The following PCDHGA5 variants were observed in gnomAD, a reference collection of about 807,000 sequenced individuals.
PCDHGA5 encodes protocadherin gamma-A5.
A neutral mutation model predicts 56.7 loss-of-function variants in PCDHGA5; 36 were observed. The observed-to-expected ratio is 0.64, with a 90% CI of 0.49 to 0.84. PCDHGA5 has a LOEUF of 0.84. Ranked by LOEUF, PCDHGA5 falls within the 40% of genes least tolerant of loss-of-function variation. The pLI is 0.00. For missense variants in PCDHGA5, 1,305 were observed against 1,201.5 expected (o/e 1.09, Z -1.27); for synonymous variants, 563 against 520.2 (o/e 1.08, Z -1.12).
intron 1 of PCDHGA5, chr5:141,374,799 C>T (rs1177554784): frequency 3.1e-6 from 5 of 1,613,978 alleles, no homozygotes; most frequent in African/African-American, 2.7e-5. Flanking sequence ...AATGACAACA[C>T]TCCAATGTTT....
intron 3 of PCDHGA5, among the ~76,000 whole-genome samples, chr5:141,509,338 C>T (rs2099876319): frequency 6.6e-6 from 1 of 152,188 alleles, no homozygotes; most frequent in Admixed American, 6.5e-5. Flanking sequence ...CCAGCTGGGC[C>T]TGGGCTGGCC....
chr5:141,388,378 A>G, intron 1 of PCDHGA5: 1 of 1,614,028 alleles, frequency 6.2e-7, no homozygotes, highest in Non-Finnish European at 8.5e-7. Context: ...ATTGGTAGCA[A>G]CACACTGCAG....
intron 1 of PCDHGA5, among the ~76,000 whole-genome samples, chr5:141,458,526 A>T (rs921943954): frequency 1.7e-4 from 26 of 151,492 alleles, no homozygotes; most frequent in African/African-American, 5.6e-4. Flanking sequence ...TTTTTTTTTA[A>T]CTTATCAACT....
chr5:141,366,553 G>A lies in PCDHGA5; in HGVS notation c.2223G>A (p.Val741=), dbSNP rs1209299928. 1 of 1,614,252 alleles carries A rather than the reference G, an allele frequency of 6.2e-7. No individual in the cohort carries two copies. Among genetic ancestry groups the A allele is most frequent in the Non-Finnish European group, 8.5e-7 (1 of 1,180,044 alleles). Residue 741 remains valine, a synonymous_variant, in exon 1 of 4, where the codon GTG becomes GTA. Transcript: ENST00000518069. ...RLAGVPASHF[V]GVDGVRAFLQ... is the part of the protein sequence containing the mutation. ...CGGGTGTGCCCGCCTCGCACTTTGT[G>A]GGCGTGGATGGGGTTCGGGCTTTCC...
At chr5:141,433,320 T>A in intron 1 of PCDHGA5, 1 of 792,046 alleles carries the variant, frequency 1.3e-6, no homozygotes, top group Non-Finnish European at 2.0e-6. Flanking sequence ...TTGCCTCCGG[T>A]GTAACAGGGA....
At position 141,486,028 on chromosome 5, in the gene PCDHGA5, C is replaced by T; in HGVS notation, c.2422-8779C>T. On this transcript the variant is annotated intron_variant, in intron 1 of 3. Transcript: ENST00000518069. This position sits in a 1 kb window ranked among gnomAD's most constrained non-coding sequence, Gnocchi z 5.0. ...TCACCTTTTATTTCAGTGGTCATAC[C>T]CCTGATCGTGTAAGAAACCTCTTTA... The T allele has an allele frequency of 6.2e-7, 1 of 1,614,134 alleles. No individual in the cohort carries two copies. Among genetic ancestry groups the T allele is most frequent in the Non-Finnish European group, 8.5e-7 (1 of 1,180,020 alleles).
intron 1 of PCDHGA5, chr5:141,410,296 A>G (rs1424650333): frequency 6.2e-7 from 1 of 1,613,774 alleles, no homozygotes; most frequent in Admixed American, 1.7e-5. Flanking sequence ...CCTTGGCCTT[A>G]ATCTCAGTGC....
intron 1 of PCDHGA5, chr5:141,428,284 G>A (rs762469333): frequency 4.2e-5 from 31 of 734,822 alleles, no homozygotes. Flanking sequence ...TGATTCCCAA[G>A]CAAAGCTGCA....
chr5:141,413,371 C>T lies in PCDHGA5; in HGVS notation c.2421+46620C>T, dbSNP rs752898022. 3.7e-6 allele frequency: 6 copies of T among 1,613,966 alleles called. No individual in the cohort carries two copies. In the Admixed American group the frequency reaches 8.3e-5, roughly 22 times the overall value. On this transcript the variant is annotated intron_variant, in intron 1 of 3. Coordinates refer to ENST00000518069, the MANE Select transcript of PCDHGA5 (RefSeq NM_018918.3). ...TCTGGCGCCCCGGGAGCTGGCGGAG[C>T]GCGGAGTCCGCATAGTCTCCAGAGG...
rs770685748 is a variant in PCDHGA5 at position 141,486,601 on chromosome 5, C to T, written c.2422-8206C>T. 9 of 1,613,558 alleles carry T rather than the reference C, an allele frequency of 5.6e-6. No homozygotes were observed. The highest frequency in any genetic ancestry group is 7.6e-6 in the Non-Finnish European group (9 of 1,180,024). On this transcript the variant is annotated intron_variant, in intron 1 of 3. Transcript: ENST00000518069. This position sits in a 1 kb window ranked among gnomAD's most constrained non-coding sequence, Gnocchi z 5.0. ...ATCGCCCAGGGGACCTGCTTTGCTC[C>T]CTTGCAGCCTCTGACCCAGACTCTG...
Position 141,410,082 on chromosome 5 carries a change from G to A in PCDHGA5, c.2421+43331G>A, listed in dbSNP as rs780485949. 1.6e-5 allele frequency: 25 copies of A among 1,612,386 alleles called. No individual in the cohort carries two copies. The Admixed American group carries it at 3.8e-4, about 25-fold the overall frequency. On this transcript the variant is annotated intron_variant, in intron 1 of 3. Transcript: ENST00000518069. ...CTGGGGCTGCGCACTGGGGAGGTGC[G>A]CACGGCTCGAGCCTTAGGCGACAGG... is the stretch of plus-strand genomic sequence containing the variant.
intron 1 of PCDHGA5, chr5:141,427,741 C>T (rs748636652): frequency 8.1e-7 from 1 of 1,240,376 alleles, no homozygotes; most frequent in Non-Finnish European, 1.2e-6. Context: ...GGCCAAGTCT[C>T]CTACTCCATC....
At chr5:141,434,763 C>T (rs2097714876) in intron 1 of PCDHGA5, among the ~76,000 whole-genome samples, 1 of 151,296 alleles carries the variant, frequency 6.6e-6, no homozygotes, top group South Asian at 2.1e-4. Flanking sequence ...TTCCCCACTT[C>T]ACACTTCTAA....
chr5:141,509,435 T>C (rs547082417), intron 3 of PCDHGA5, among the ~76,000 whole-genome samples: 1 of 152,214 alleles, frequency 6.6e-6, no homozygotes, highest in South Asian at 2.1e-4. Context: ...AAACTCTTGT[T>C]TCCTCCTCTC....
At position 141,418,475 on chromosome 5, in the gene PCDHGA5, A is replaced by G; in HGVS notation, c.2421+51724A>G. On this transcript the variant is annotated intron_variant, in intron 1 of 3. Transcript: ENST00000518069. The stretch of plus-strand genomic sequence containing the variant: ...GAAGACTCTGGACCGAGAAACGCAG[A>G]GCGCTCACCACTTGGTACTGACCGC... 3 of 1,614,000 alleles carry G rather than the reference A, an allele frequency of 1.9e-6. No individual in the cohort carries two copies. Among genetic ancestry groups the G allele is most frequent in the Non-Finnish European group, 2.5e-6 (3 of 1,179,892 alleles).
intron 1 of PCDHGA5, among the ~76,000 whole-genome samples, chr5:141,481,994 A>AG (rs2099550091): frequency 1.3e-5 from 2 of 151,258 alleles, no homozygotes; most frequent in African/African-American, 4.9e-5. Context: ...TTGAAGCAGG[A>AG]GAATCGCTTT....
intron 2 of PCDHGA5, among the ~76,000 whole-genome samples, chr5:141,500,329 C>G (rs1384834356): frequency 6.6e-6 from 1 of 151,986 alleles, no homozygotes; most frequent in Non-Finnish European, 1.5e-5. Flanking sequence ...CTGCCTCAGC[C>G]TCCAGAATAG....
chr5:141,370,114 A>G (rs768527026), intron 1 of PCDHGA5: 72 of 376,222 alleles, frequency 1.9e-4, no homozygotes, highest in Non-Finnish European at 2.7e-4. Flanking sequence ...TCTCCTAACT[A>G]GCTCCTTATT....
chr5:141,374,724 C>A (rs1384151075), intron 1 of PCDHGA5: 1 of 1,610,030 alleles, frequency 6.2e-7, no homozygotes, highest in African/African-American at 1.3e-5. Context: ...GTCCTTACTG[C>A]CATGGATGGC....
Sources: allele counts gnomAD v4.1 joint callset (sites outside exome capture counted in the v4.1 genomes callset), GRCh38; gene constraint gnomAD v4.1.1; non-coding constraint Gnocchi (gnomAD v3.1); transcripts MANE v1.5; gene names NCBI Gene and HGNC (gene_info 2026-07-23, HGNC 2026-07-21).